Variants in SORCS1 observed in about 807,000 individuals in gnomAD.
The protein encoded by SORCS1 is sortilin related VPS10 domain containing receptor 1.
A neutral mutation model predicts 146.1 loss-of-function variants in SORCS1; 60 were observed. The observed-to-expected ratio is 0.41, with a 90% CI of 0.33 to 0.51. SORCS1 has a LOEUF of 0.51. SORCS1 is among the 20% of genes least tolerant of loss of function. SORCS1 has a pLI of 0.21. For synonymous variants in SORCS1, 637 were observed against 584.0 expected (o/e 1.09, Z -1.31); for missense variants, 1,352 against 1,487.6 (o/e 0.91, Z 1.50).
chr10:106,950,223 G>A (rs1352802911), intron 2 of SORCS1, among the ~76,000 whole-genome samples: 1 of 152,186 alleles, frequency 6.6e-6, no homozygotes, highest in Non-Finnish European at 1.5e-5. Flanking sequence ...AGATTAATGT[G>A]TAATCAATGA....
intron 2 of SORCS1, among the ~76,000 whole-genome samples, chr10:106,847,612 C>A (rs1277835829): frequency 1.8e-5 from 1 of 56,874 alleles, no homozygotes; most frequent in African/African-American, 6.0e-5. Flanking sequence ...TTAGTTATTT[C>A]TTGCCTTCTG....
chr10:106,653,661 T>G (rs1407929789), intron 17 of SORCS1, among the ~76,000 whole-genome samples: 1 of 152,204 alleles, frequency 6.6e-6, no homozygotes, highest in Non-Finnish European at 1.5e-5. Flanking sequence ...GAATGTCCTT[T>G]CCTCTGTGAG....
chr10:107,161,690 C>CAAAA lies in SORCS1; in HGVS notation c.558+2275_558+2278dup, dbSNP rs11287858. ...TCTGCTTTGCATTCTACAAAACGGC[C>CAAAA]AAAAAAAAAAAGTTTATTTATGCTT... On this transcript the variant is annotated intron_variant, in intron 1 of 25. Transcript: ENST00000263054. 2.3e-3 allele frequency among the ~76,000 whole-genome samples: 329 copies of CAAAA among 144,924 alleles called. 4 individuals carry two copies. Among genetic ancestry groups the CAAAA allele is most frequent in the African/African-American group, 8.0e-3 (320 of 39,912 alleles).
chr10:106,984,775 A>ACAC (rs1291662838), intron 1 of SORCS1, among the ~76,000 whole-genome samples: 1 of 152,114 alleles, frequency 6.6e-6, no homozygotes, highest in Middle Eastern at 3.2e-3. Context: ...TTATCTTTAT[A>ACAC]GACACACACT....
At chr10:106,784,261 G>C (rs986535297) in intron 3 of SORCS1, among the ~76,000 whole-genome samples, 1 of 152,090 alleles carries the variant, frequency 6.6e-6, no homozygotes, top group African/African-American at 2.4e-5. Flanking sequence ...TGGGCGTGGT[G>C]GTGGGTGCCT....
intron 5 of SORCS1, among the ~76,000 whole-genome samples, chr10:106,760,009 T>G (rs1380841605): frequency 6.6e-6 from 1 of 152,196 alleles, no homozygotes; most frequent in Non-Finnish European, 1.5e-5. Flanking sequence ...GGACTGAATA[T>G]TTTTGTCTCC....
intron 10 of SORCS1, among the ~76,000 whole-genome samples, chr10:106,687,656 C>T (rs1004001775): frequency 7.9e-5 from 12 of 152,088 alleles, no homozygotes; most frequent in South Asian, 2.1e-4. Flanking sequence ...TTCAGTTTTA[C>T]GGAGTAAGAC....
chr10:106,974,553 G>A (rs1018165699), intron 1 of SORCS1, among the ~76,000 whole-genome samples: 1 of 152,198 alleles, frequency 6.6e-6, no homozygotes, highest in Non-Finnish European at 1.5e-5. Context: ...CCACAAGGAT[G>A]CAGGGTGACC....
intron 1 of SORCS1, among the ~76,000 whole-genome samples, chr10:107,089,293 T>C (rs1963995019): frequency 6.6e-6 from 1 of 152,208 alleles, no homozygotes; most frequent in East Asian, 1.9e-4. Context: ...TTACTTGACA[T>C]GAACTAAAAA....
At chr10:106,765,960 A>C (rs1589831537) in intron 4 of SORCS1, among the ~76,000 whole-genome samples, 1 of 152,264 alleles carries the variant, frequency 6.6e-6, no homozygotes, top group East Asian at 1.9e-4. Flanking sequence ...ATTTCAAAGA[A>C]ATTTGTGCTA....
At chr10:106,721,412 T>C (rs1855770785) in intron 6 of SORCS1, among the ~76,000 whole-genome samples, 2 of 142,422 alleles carry the variant, frequency 1.4e-5, no homozygotes, top group Admixed American at 7.5e-5. Flanking sequence ...AAAGGTTTCA[T>C]CTTTTCTATT....
At chr10:106,744,572 C>A (rs1857585521) in intron 5 of SORCS1, among the ~76,000 whole-genome samples, 1 of 152,192 alleles carries the variant, frequency 6.6e-6, no homozygotes, top group Non-Finnish European at 1.5e-5. Context: ...AGAGTGCTTA[C>A]AATGTTTAGA....
intron 3 of SORCS1, among the ~76,000 whole-genome samples, chr10:106,813,419 C>G (rs1005602450): frequency 6.6e-6 from 1 of 152,064 alleles, no homozygotes; most frequent in Admixed American, 6.5e-5. Context: ...AGACATGAAC[C>G]ACCGCGCCCG....
intron 5 of SORCS1, among the ~76,000 whole-genome samples, chr10:106,742,831 G>A (rs1258556756): frequency 6.6e-6 from 1 of 152,140 alleles, no homozygotes; most frequent in East Asian, 1.9e-4. Context: ...AGCATTTATG[G>A]TTGGGGATTT....
At chr10:107,148,444 T>C (rs1291167761) in intron 1 of SORCS1, among the ~76,000 whole-genome samples, 3 of 152,206 alleles carry the variant, frequency 2.0e-5, no homozygotes, top group Non-Finnish European at 4.4e-5. Flanking sequence ...TGTCATGAAA[T>C]ACCATTCTTT....
intron 1 of SORCS1, among the ~76,000 whole-genome samples, chr10:107,005,506 GAC>G (rs1957404067): frequency 6.6e-6 from 1 of 152,058 alleles, no homozygotes; most frequent in African/African-American, 2.4e-5. Context: ...TTAACTGAAA[GAC>G]AGGAATTTTT....
chr10:106,819,376 CATTAT>C (rs1448344181), intron 3 of SORCS1, among the ~76,000 whole-genome samples: 4 of 152,162 alleles, frequency 2.6e-5, no homozygotes, highest in Non-Finnish European at 5.9e-5. Context: ...CTCCAGGGTC[CATTAT>C]ATTAAATACT....
chr10:106,969,940 T>G (rs986817536), intron 1 of SORCS1: 1 of 152,242 alleles, frequency 6.6e-6, no homozygotes, highest in African/African-American at 2.4e-5. Context: ...ATTTTAGCAG[T>G]CCTAGGCTAT....
chr10:106,678,900 A>C (rs1308388104), intron 12 of SORCS1, among the ~76,000 whole-genome samples: 1 of 152,178 alleles, frequency 6.6e-6, no homozygotes, highest in Non-Finnish European at 1.5e-5. Flanking sequence ...AGCATTAGAT[A>C]TGTAATCTAC....
Sources: gnomAD v4.1 joint callset for allele counts (sites outside exome capture counted in the v4.1 genomes callset) on GRCh38, gnomAD v4.1.1 for gene constraint, MANE v1.5 for transcripts, NCBI Gene and HGNC (gene_info 2026-07-23, HGNC 2026-07-21) for gene names.